The following EPHA6 variants were observed in gnomAD, a reference collection of about 807,000 sequenced individuals.
EPHA6 encodes the protein EPH receptor A6.
Under a neutral mutation model 112.0 loss-of-function variants are expected in EPHA6, and 50 were observed. That is an observed-to-expected ratio of 0.45 (90% CI 0.36 to 0.56). The LOEUF is 0.56. Among genes scored for constraint, EPHA6 ranks in the 20% least tolerant of loss-of-function variants. The pLI is 0.00. For missense variants in EPHA6, 1,280 were observed against 1,417.4 expected (o/e 0.90, Z 1.56); for synonymous variants, 529 against 490.7 (o/e 1.08, Z -1.03).
intron 13 of EPHA6, among the ~76,000 whole-genome samples, chr3:97,616,901 G>C (rs2093771076): frequency 6.6e-6 from 1 of 152,018 alleles, no homozygotes; most frequent in South Asian, 2.1e-4. Flanking sequence ...AGCTAGACAG[G>C]CCAACATTCA....
intron 14 of EPHA6, among the ~76,000 whole-genome samples, chr3:97,703,252 C>T (rs935952524): frequency 9.9e-5 from 15 of 152,210 alleles, no homozygotes; most frequent in Admixed American, 5.9e-4. Context: ...CCAAGACTAA[C>T]GGGAAATGAC....
chr3:97,129,624 T>A (rs2048284273), intron 3 of EPHA6, among the ~76,000 whole-genome samples: 1 of 152,150 alleles, frequency 6.6e-6, no homozygotes, highest in Non-Finnish European at 1.5e-5. Context: ...AGTAAGGCAC[T>A]TTATTCAGGA....
intron 5 of EPHA6, among the ~76,000 whole-genome samples, chr3:97,387,649 CT>C (rs1287249793): frequency 1.3e-5 from 2 of 152,082 alleles, no homozygotes; most frequent in Non-Finnish European, 2.9e-5. Flanking sequence ...TGTCCCTCAT[CT>C]TCCTGTTTTC....
At chr3:97,443,226 T>C (rs2090199700) in intron 6 of EPHA6, among the ~76,000 whole-genome samples, 1 of 151,952 alleles carries the variant, frequency 6.6e-6, no homozygotes, top group South Asian at 2.1e-4. Flanking sequence ...AGAAAGGATG[T>C]AAATGACTTA....
At chr3:96,900,271 G>A (rs2038530905) in intron 2 of EPHA6, among the ~76,000 whole-genome samples, 1 of 152,152 alleles carries the variant, frequency 6.6e-6, no homozygotes, top group African/African-American at 2.4e-5. Context: ...TTGAACTAGT[G>A]AGAAGAAAGG....
At chr3:97,179,760 TC>T (rs2076937764) in intron 3 of EPHA6, among the ~76,000 whole-genome samples, 34 of 138,666 alleles carry the variant, frequency 2.5e-4, no homozygotes, top group Admixed American at 1.8e-3. Context: ...TCTCTCTCTC[TC>T]CTGAACCACT....
At chr3:97,328,771 T>C (rs1037127901) in intron 5 of EPHA6, among the ~76,000 whole-genome samples, 1 of 152,130 alleles carries the variant, frequency 6.6e-6, no homozygotes, top group African/African-American at 2.4e-5. Flanking sequence ...AACTCATTGC[T>C]GACTCCTAAA....
intron 14 of EPHA6, among the ~76,000 whole-genome samples, chr3:97,719,757 C>G (rs1463684861): frequency 6.6e-6 from 1 of 152,120 alleles, no homozygotes; most frequent in Non-Finnish European, 1.5e-5. Flanking sequence ...TAAATGTAAT[C>G]ATAGCAGATG....
chr3:97,338,453 A>G lies in EPHA6; in HGVS notation c.1607-66697A>G, dbSNP rs114076962. Among the ~76,000 whole-genome samples, 1,215 of 152,096 alleles carry G rather than the reference A, an allele frequency of 8.0e-3. 16 individuals carry two copies. Among genetic ancestry groups the G allele is most frequent in the African/African-American group, 0.028 (1,155 of 41,512 alleles). On this transcript the variant is annotated intron_variant, in intron 5 of 17. Transcript: ENST00000389672. ...ATGGCTACATTTTTGTTTATTTTGT[A>G]TTGTCTACCCCTAGAGCTCTTACTT...
intron 10 of EPHA6, among the ~76,000 whole-genome samples, chr3:97,499,510 G>C (rs555113108): frequency 6.6e-6 from 1 of 152,108 alleles, no homozygotes; most frequent in Non-Finnish European, 1.5e-5. Flanking sequence ...TGCATTATTA[G>C]ATTATTTCAT....
chr3:97,339,507 T>A (rs1298728268), intron 5 of EPHA6, among the ~76,000 whole-genome samples: 1 of 152,208 alleles, frequency 6.6e-6, no homozygotes, highest in East Asian at 1.9e-4. Flanking sequence ...TGAAGTATTT[T>A]AACAACGTGG....
chr3:97,112,533 C>G (rs1331319966), intron 3 of EPHA6, among the ~76,000 whole-genome samples: 1 of 151,960 alleles, frequency 6.6e-6, no homozygotes, highest in Non-Finnish European at 1.5e-5. Flanking sequence ...TTTGTTGTTT[C>G]AAAGGTGATA....
At chr3:96,988,740 A>G (rs966719587) in intron 3 of EPHA6, among the ~76,000 whole-genome samples, 2 of 152,126 alleles carry the variant, frequency 1.3e-5, no homozygotes, top group African/African-American at 4.8e-5. Flanking sequence ...TTTCATTTTA[A>G]TAGTAGTATT....
chr3:97,297,193 C>A, intron 5 of EPHA6, among the ~76,000 whole-genome samples: 1 of 152,306 alleles, frequency 6.6e-6, no homozygotes, highest in East Asian at 1.9e-4. Flanking sequence ...CACCATTTCA[C>A]ACACCGGGGA....
intron 12 of EPHA6, among the ~76,000 whole-genome samples, chr3:97,595,486 A>C (rs978828862): frequency 2.6e-5 from 4 of 152,120 alleles, no homozygotes; most frequent in African/African-American, 9.7e-5. Flanking sequence ...TCTACTAAAA[A>C]TACAAAAAAT....
At chr3:97,302,770 A>T (rs1379523253) in intron 5 of EPHA6, among the ~76,000 whole-genome samples, 5 of 151,920 alleles carry the variant, frequency 3.3e-5, no homozygotes, top group Admixed American at 6.6e-5. Flanking sequence ...CACTGAAAAA[A>T]GGATAATTCC....
At chr3:96,915,138 A>C (rs2039422777) in intron 2 of EPHA6, among the ~76,000 whole-genome samples, 1 of 152,008 alleles carries the variant, frequency 6.6e-6, no homozygotes, top group Admixed American at 6.6e-5. Flanking sequence ...AGGATATGTC[A>C]TTTTAAAGGG....
intron 11 of EPHA6, among the ~76,000 whole-genome samples, chr3:97,554,762 G>T (rs145073812): frequency 2.3e-4 from 35 of 151,992 alleles, no homozygotes; most frequent in Non-Finnish European, 5.0e-4. Flanking sequence ...ACACAAGGGA[G>T]GCTGGGAAAT....
At chr3:96,926,488 C>A (rs2040042101) in intron 2 of EPHA6, among the ~76,000 whole-genome samples, 1 of 152,152 alleles carries the variant, frequency 6.6e-6, no homozygotes, top group Admixed American at 6.5e-5. Flanking sequence ...TCAGCATTAA[C>A]CTAAATGTCC....
Sources: allele counts gnomAD v4.1 joint callset (sites outside exome capture counted in the v4.1 genomes callset), GRCh38; gene constraint gnomAD v4.1.1; transcripts MANE v1.5; gene names NCBI Gene and HGNC (gene_info 2026-07-23, HGNC 2026-07-21).